The following IMPG2 variants were observed in gnomAD, a reference collection of about 807,000 sequenced individuals.
IMPG2 encodes IPM 200.
IMPG2 carries 91 observed loss-of-function variants against 129.2 expected under a neutral mutation model. That is an observed-to-expected ratio of 0.70 (90% CI 0.59 to 0.84). IMPG2 has a LOEUF of 0.84. Ranked by LOEUF, IMPG2 falls within the 40% of genes least tolerant of loss-of-function variation. IMPG2 has a pLI of 0.00. For synonymous variants in IMPG2, 510 were observed against 517.7 expected, an observed-to-expected ratio of 0.99 and a Z score of 0.20; for missense variants, 1,430 against 1,461.7, an observed-to-expected ratio of 0.98 and a Z score of 0.35.
rs1033233161 is a variant in IMPG2, at chr3:101,273,570, T to A, written c.828+11A>T. On this transcript the variant is annotated intron_variant, in intron 7 of 18. Transcript: ENST00000193391. ...CATACTGCCTTGTTTGTTTTTTTTT[T>A]AATCACCCACCTCTGAAATAAATTC... 1.2e-6 allele frequency: 2 copies of A among 1,613,568 alleles called. No homozygotes were observed. The highest frequency in any genetic ancestry group is 1.7e-6 in the Non-Finnish European group (2 of 1,179,654).
intron 2 of IMPG2, among the ~76,000 whole-genome samples, chr3:101,307,559 A>C (rs1025052892): frequency 6.6e-6 from 1 of 152,202 alleles, no homozygotes; most frequent in Admixed American, 6.5e-5. Context: ...AGCCCCTTAA[A>C]AAGCTATCAG....
At chr3:101,284,439 G>A (rs1184452313) in intron 4 of IMPG2, among the ~76,000 whole-genome samples, 1 of 152,076 alleles carries the variant, frequency 6.6e-6, no homozygotes, top group Non-Finnish European at 1.5e-5. Context: ...CCAGAGAGTA[G>A]AGAACTTTCC....
At chr3:101,301,324 G>A (rs1707137733) in intron 3 of IMPG2, among the ~76,000 whole-genome samples, 1 of 152,188 alleles carries the variant, frequency 6.6e-6, no homozygotes, top group Admixed American at 6.5e-5. Flanking sequence ...GTGAGCACAT[G>A]CTGTTGGAAG....
At position 101,229,413 on chromosome 3, in the gene IMPG2, T is replaced by C. The variant is rs139944942; in HGVS notation, c.3600A>G (p.Arg1200=). 1.2e-4 allele frequency: 192 copies of C among 1,611,142 alleles called. No individual in the cohort carries two copies. The African/African-American group carries it at 2.1e-3, about 18-fold the overall frequency. ...AAAGCTCACTGCTCTCATACATCTG[T>C]CTGATTTCTTCTCTGCTCAGCCCAC... is the stretch of plus-strand genomic sequence containing the variant. ...VIGGLSREEI[R]QMYESSELSR... The change falls in exon 17 of 19, where the codon AGA becomes AGG. Residue 1200 remains arginine (R), a synonymous_variant. Transcript: ENST00000193391.
intron 1 of IMPG2, 95 bp downstream of exon 1, chr3:101,320,193 C>A: frequency 1.3e-6 from 1 of 771,078 alleles, no homozygotes; most frequent in South Asian, 1.6e-5. Flanking sequence ...GTATTTGATT[C>A]CATTTCTTAC....
chr3:101,291,564 T>G, intron 3 of IMPG2, 54 bp from the exon 4 acceptor site: 1 of 1,358,932 alleles, frequency 7.4e-7, no homozygotes, highest in Admixed American at 1.7e-5. Context: ...TATTAAGGAG[T>G]AAATAAAACT....
chr3:101,238,513 C>A (rs576027101), intron 14 of IMPG2, among the ~76,000 whole-genome samples: 27 of 152,282 alleles, frequency 1.8e-4, no homozygotes, highest in African/African-American at 5.5e-4. Context: ...AGACTAACAG[C>A]GGATCTCTCT....
At chr3:101,249,520 T>C (rs1706521187) in intron 11 of IMPG2, among the ~76,000 whole-genome samples, 1 of 151,798 alleles carries the variant, frequency 6.6e-6, no homozygotes, top group Admixed American at 6.6e-5. Context: ...AAAAAGTATA[T>C]GATGCAATGT....
At chr3:101,319,924 A>G in intron 1 of IMPG2, 92 bp from the exon 2 acceptor site, 1 of 1,363,104 alleles carries the variant, frequency 7.3e-7, no homozygotes, top group Non-Finnish European at 1.0e-6. Context: ...GGCTACATTA[A>G]GATAGAGAAG....
chr3:101,318,240 G>A (rs896076853), intron 2 of IMPG2, among the ~76,000 whole-genome samples: 19 of 150,480 alleles, frequency 1.3e-4, no homozygotes, highest in Admixed American at 1.2e-3. Flanking sequence ...ATTATTAACT[G>A]TCATCCTCAT....
Position 101,225,177 on chromosome 3 carries a change from C to T in IMPG2, c.*1792G>A, listed in dbSNP as rs1411472226. 6.6e-6 allele frequency: 1 copy of T among 152,214 alleles called. No homozygotes were observed. The highest frequency in any genetic ancestry group is 1.9e-4 in the East Asian group (1 of 5,204). The allele number at this position is 152,214 out of a possible 1,614,324, so 9.4% of individuals were successfully genotyped here. On this transcript the variant is annotated 3_prime_UTR_variant, in exon 19 of 19. Transcript: ENST00000193391. ...ACTTAGTAGTGACAAATATCATTAA[C>T]ACTTAAAATGTCTTAAAGGTAATTA...
In IMPG2 at chr3:101,292,421, C is replaced by T. The variant is rs115690762; in HGVS notation, c.502-911G>A. ...ATATAAAAGTTATGCTTACATTATA[C>T]TGTAGTCTATTAAAAGTGCAATAAC... On this transcript the variant is annotated intron_variant, in intron 3 of 18. Transcript: ENST00000193391. Among the ~76,000 whole-genome samples the T allele has an allele frequency of 5.5e-3, 845 of 152,272 alleles. 10 individuals carry two copies. The highest frequency in any genetic ancestry group is 0.02 in the African/African-American group (818 of 41,552).
At chr3:101,258,654 T>C (rs1253579084) in intron 9 of IMPG2, among the ~76,000 whole-genome samples, 1 of 152,128 alleles carries the variant, frequency 6.6e-6, no homozygotes, top group Admixed American at 6.6e-5. Context: ...GTCTGGGAAT[T>C]AGGCTTTTTC....
intron 10 of IMPG2, among the ~76,000 whole-genome samples, chr3:101,254,139 A>T (rs1027517883): frequency 1.3e-5 from 2 of 152,088 alleles, no homozygotes; most frequent in African/African-American, 4.8e-5. Context: ...TGAAATTTCA[A>T]TTCCTTTGGT....
intron 4 of IMPG2, among the ~76,000 whole-genome samples, chr3:101,287,828 T>C (rs1706964439): frequency 6.6e-6 from 1 of 152,142 alleles, no homozygotes; most frequent in Non-Finnish European, 1.5e-5. Flanking sequence ...AACATTGGCC[T>C]TGGCAAAGAA....
At position 101,225,316 on chromosome 3, in the gene IMPG2, A is replaced by G. The variant is rs1706208708; in HGVS notation, c.*1653T>C. 1 of 152,270 alleles carries G rather than the reference A, an allele frequency of 6.6e-6. No homozygotes were observed. Among genetic ancestry groups the G allele is most frequent in the Non-Finnish European group, 1.5e-5 (1 of 68,058 alleles). 9.4% of individuals were successfully genotyped at this position (152,270 alleles called of 1,614,324 possible). On this transcript the variant is annotated 3_prime_UTR_variant, in exon 19 of 19. Transcript: ENST00000193391. ...CCTATACTGAACTGTTAGAGGATCC[A>G]TTATGTGAGTAGGGAATGAAAGGAA...
At chr3:101,314,896 T>C (rs1291430555) in intron 2 of IMPG2, among the ~76,000 whole-genome samples, 1 of 152,080 alleles carries the variant, frequency 6.6e-6, no homozygotes, top group African/African-American at 2.4e-5. Context: ...AATATGAAAC[T>C]TTTTGAGTGC....
Sources: gnomAD v4.1 joint callset for allele counts (sites outside exome capture counted in the v4.1 genomes callset) on GRCh38, gnomAD v4.1.1 for gene constraint, MANE v1.5 for transcripts, NCBI Gene and HGNC (gene_info 2026-07-23, HGNC 2026-07-21) for gene names.